Variants in FLAD1 observed in about 807,000 individuals in gnomAD.
FLAD1 encodes bifunctional FAD diphosphatase/FAD synthase.
In FLAD1, 35 loss-of-function variants were observed where a neutral mutation model predicts 55.0. The observed-to-expected ratio is 0.64, with a 90% CI of 0.49 to 0.84. The LOEUF is 0.84. Ranked by LOEUF, FLAD1 falls within the 40% of genes least tolerant of loss-of-function variation. The pLI, the probability that FLAD1 is intolerant of heterozygous loss-of-function variation, is 0.00. For synonymous variants in FLAD1, 267 were observed against 303.0 expected, an observed-to-expected ratio of 0.88 and a Z score of 1.23; for missense variants, 665 against 742.6, an observed-to-expected ratio of 0.90 and a Z score of 1.21.
rs1378401267 is a variant in FLAD1 at position 154,992,945 on chromosome 1, G to A, written c.1672G>A (p.Ala558Thr). The part of the protein sequence containing the change: ...GSRENTVRNP[A>T]LKCLSPGGHP... ...TCGGGAGAATACCGTGCGGAACCCGGCCCTGAAGTGCCTGAGCCCAGGAGG... is the reference window on the plus strand; with the variant it reads ...TCGGGAGAATACCGTGCGGAACCCGACCCTGAAGTGCCTGAGCCCAGGAGG... The change falls in exon 7 of 7, where the codon GCC becomes ACC. Residue 558 changes from alanine (A) to threonine (T), a missense_variant. By Grantham distance (58) the Ala-to-Thr change is moderately conservative. Coordinates refer to ENST00000292180, the MANE Select transcript of FLAD1 (RefSeq NM_025207.5). 6.2e-7 allele frequency: 1 copy of A among 1,614,000 alleles called. No homozygotes were observed. Among genetic ancestry groups the A allele is most frequent in the Non-Finnish European group, 8.5e-7 (1 of 1,179,966 alleles).
At chr1:154,990,649 C>A in intron 5 of FLAD1, 121 bp downstream of exon 5, 1 of 946,080 alleles carries the variant, frequency 1.1e-6, no homozygotes, top group Non-Finnish European at 1.5e-6. Flanking sequence ...GCCTCATCAT[C>A]CAAGGGAGGC....
chr1:154,985,294 A>C (rs1392661289), intron 1 of FLAD1, among the ~76,000 whole-genome samples: 1 of 145,490 alleles, frequency 6.9e-6, no homozygotes, highest in East Asian at 2.0e-4. Context: ...CATTGGTGGG[A>C]TCTCAGCTGA....
chr1:154,991,102 G>C (rs999015713), intron 5 of FLAD1: 1 of 150,752 alleles, frequency 6.6e-6, no homozygotes, highest in Non-Finnish European at 1.5e-5. Context: ...AGTTACTCGA[G>C]AGGCTGAGGC....
chr1:154,992,376 G>C (rs913741200), intron 5 of FLAD1, among the ~76,000 whole-genome samples: 1 of 151,796 alleles, frequency 6.6e-6, no homozygotes, highest in African/African-American at 2.4e-5. Flanking sequence ...CCGGGAGGCA[G>C]AGGTTGCAGT....
chr1:154,983,913 G>T lies in FLAD1; in HGVS notation c.219G>T (p.Pro73=), dbSNP rs1412426970. ...GCCCTGTAGACCTGGCAGGCCCCCC[G>T]TGCTTGCGACCCCTATTTGGGGGTC... ...PQCPVDLAGP[P]CLRPLFGGLG... The change falls in exon 1 of 7, where the codon CCG becomes CCT. Residue 73 remains proline, a synonymous_variant. Coordinates refer to ENST00000292180, the MANE Select transcript of FLAD1 (RefSeq NM_025207.5). 6.2e-7 allele frequency: 1 copy of T among 1,611,616 alleles called. No homozygotes were observed. The highest frequency in any genetic ancestry group is 8.5e-7 in the Non-Finnish European group (1 of 1,178,498).
chr1:154,990,124 T>G, intron 3 of FLAD1, 35 bp from the exon 4 acceptor site: 1 of 1,549,312 alleles, frequency 6.5e-7, no homozygotes, highest in Non-Finnish European at 8.9e-7. Context: ...TCCTTGTCCA[T>G]GCTCACAAGC....
At chr1:154,992,507 G>C (rs1657924210) in intron 5 of FLAD1, 1 of 1,515,084 alleles carries the variant, frequency 6.6e-7, no homozygotes, top group Admixed American at 1.8e-5. Context: ...GGTGGTTCAA[G>C]AATGGAAAGC....
rs149321878 is a variant in FLAD1, at chr1:154,983,725, C to G, written c.31C>G (p.Gln11Glu). The G allele has an allele frequency of 6.2e-7, 1 of 1,613,340 alleles. No individual in the cohort carries two copies. Among genetic ancestry groups the G allele is most frequent in the African/African-American group, 1.3e-5 (1 of 74,994 alleles). Residue 11 changes from glutamine to glutamate, a missense_variant, in exon 1 of 7, where the codon CAG becomes GAG. Transcript: ENST00000292180. MGWDLGTRLF[Q>E]RQEQRSRLSR... Reference sequence around the variant, plus strand: ...TTGGGATTTGGGAACACGTTTATTCCAGAGGCAGGAACAAAGGAGTCGCTT... The same window carrying G: ...TTGGGATTTGGGAACACGTTTATTCGAGAGGCAGGAACAAAGGAGTCGCTT...
intron 1 of FLAD1, chr1:154,987,501 A>T (rs1368501819): frequency 6.3e-6 from 1 of 159,920 alleles, no homozygotes; most frequent in Non-Finnish European, 1.4e-5. Flanking sequence ...TCCAAGAGTG[A>T]TGCAATCACA....
chr1:154,989,818 G>T (rs969857533), intron 3 of FLAD1, 111 bp downstream of exon 3: 2 of 1,210,968 alleles, frequency 1.7e-6, no homozygotes, highest in Non-Finnish European at 2.3e-6. Context: ...AGATAGTCAT[G>T]GTGACCTCTC....
At chr1:154,988,880 C>G in intron 2 of FLAD1, 31 bp downstream of exon 2, 1 of 1,612,866 alleles carries the variant, frequency 6.2e-7, no homozygotes, top group Non-Finnish European at 8.5e-7. Flanking sequence ...GGGCATTATG[C>G]CCAAAGCCAT....
At chr1:154,986,478 A>G (rs1657613201) in intron 1 of FLAD1, among the ~76,000 whole-genome samples, 1 of 152,198 alleles carries the variant, frequency 6.6e-6, no homozygotes. Flanking sequence ...GTAGTGTCCT[A>G]TACATCACAT....
intron 5 of FLAD1, 141 bp downstream of exon 5, chr1:154,990,669 T>G: frequency 2.6e-6 from 2 of 765,124 alleles, no homozygotes; most frequent in Non-Finnish European, 4.0e-6. Flanking sequence ...CAGTGCTATC[T>G]GTTCATTCAT....
chr1:154,992,225 A>G (rs917221532), intron 5 of FLAD1, among the ~76,000 whole-genome samples: 1 of 151,852 alleles, frequency 6.6e-6, no homozygotes, highest in Admixed American at 6.6e-5. Context: ...CGGGCGGATC[A>G]TGAAGTCAGG....
chr1:154,983,617 G>A lies in FLAD1; in HGVS notation c.-78G>A, dbSNP rs1274221284. 14 of 1,471,666 alleles carry A rather than the reference G, an allele frequency of 9.5e-6. No individual in the cohort carries two copies. The highest frequency in any genetic ancestry group is 1.4e-5 in the African/African-American group (1 of 71,142). 91.2% of individuals were successfully genotyped at this position (1,471,666 alleles called of 1,614,324 possible). A position where few individuals can be genotyped will look rare whatever the true frequency, so the allele number is the denominator to read the frequency against. On this transcript the variant is annotated 5_prime_UTR_variant, in exon 1 of 7. Coordinates refer to ENST00000292180, the MANE Select transcript of FLAD1 (RefSeq NM_025207.5). Reference sequence around the variant, plus strand: ...ACTTGAGGAGACCAGCTCAGCAAACGGAAGACACTTAAAGTGGTAGGTTCT... The same window carrying A: ...ACTTGAGGAGACCAGCTCAGCAAACAGAAGACACTTAAAGTGGTAGGTTCT...
rs1324942706 is a variant in FLAD1, at chr1:154,983,541, C to T, written c.-154C>T. 1.4e-6 allele frequency: 1 copy of T among 728,884 alleles called. No individual in the cohort carries two copies. Among genetic ancestry groups the T allele is most frequent in the East Asian group, 2.7e-5 (1 of 37,718 alleles). 45.2% of individuals were successfully genotyped at this position (728,884 alleles called of 1,614,324 possible). Reference sequence around the variant, plus strand: ...GAATGCATTGAAAAGGGCCAAGGCCCAGGATAAGGTAGACATTTAAAGGGG... The same window carrying T: ...GAATGCATTGAAAAGGGCCAAGGCCTAGGATAAGGTAGACATTTAAAGGGG... On this transcript the variant is annotated 5_prime_UTR_variant, in exon 1 of 7. Coordinates refer to ENST00000292180, the MANE Select transcript of FLAD1 (RefSeq NM_025207.5).
rs960158933 is a variant in FLAD1 at position 154,983,390 on chromosome 1, A to C, written c.-305A>C. 1.1e-5 allele frequency: 3 copies of C among 267,866 alleles called. No homozygotes were observed. The highest frequency in any genetic ancestry group is 2.1e-5 in the Non-Finnish European group (3 of 141,464). The allele number at this position is 267,866 out of a possible 1,614,324, so 16.6% of individuals were successfully genotyped here. On this transcript the variant is annotated 5_prime_UTR_variant, in exon 1 of 7. Coordinates refer to ENST00000292180, the MANE Select transcript of FLAD1 (RefSeq NM_025207.5). Reference sequence around the variant, plus strand: ...GGGAAAGAGCCGGTGAAGGGGCAGAACAGGCAGGTGAGAGTCTAAGAGGGC... The same window carrying C: ...GGGAAAGAGCCGGTGAAGGGGCAGACCAGGCAGGTGAGAGTCTAAGAGGGC...
intron 1 of FLAD1, among the ~76,000 whole-genome samples, chr1:154,986,056 T>TGTGA (rs1657588550): frequency 6.9e-6 from 1 of 144,110 alleles, no homozygotes; most frequent in African/African-American, 2.6e-5. Context: ...TGTGTGTGTG[T>TGTGA]GACGGAGTTT....
intron 5 of FLAD1, 169 bp from the exon 6 acceptor site, chr1:154,992,544 T>A: frequency 1.2e-6 from 2 of 1,604,482 alleles, no homozygotes; most frequent in African/African-American, 1.3e-5. Context: ...GAAGTCCTTC[T>A]CTTTCTCTTT....
Sources: gnomAD v4.1 joint callset for allele counts (sites outside exome capture counted in the v4.1 genomes callset) on GRCh38, gnomAD v4.1.1 for gene constraint, MANE v1.5 for transcripts, NCBI Gene and HGNC (gene_info 2026-07-23, HGNC 2026-07-21) for gene names.